DISC1: variants seen among roughly 807,000 people sequenced by gnomAD.
DISC1 encodes disrupted in schizophrenia 1 protein.
A neutral mutation model predicts 84.5 loss-of-function variants in DISC1; 57 were observed. That is an observed-to-expected ratio of 0.67 (90% CI 0.55 to 0.84). DISC1 has a LOEUF of 0.84. DISC1 is among the 40% of genes least tolerant of loss of function. The pLI, the probability that DISC1 is intolerant of heterozygous loss-of-function variation, is 0.00. For synonymous variants in DISC1, 411 were observed against 415.2 expected, an observed-to-expected ratio of 0.99 and a Z score of 0.12; for missense variants, 1,000 against 1,057.8, an observed-to-expected ratio of 0.95 and a Z score of 0.76.
chr1:231,983,903 C>T (rs1325034435), intron 10 of DISC1, among the ~76,000 whole-genome samples: 1 of 152,126 alleles, frequency 6.6e-6, no homozygotes, highest in Non-Finnish European at 1.5e-5. Context: ...GTGGTTAGTG[C>T]TTGACATTTT....
intron 9 of DISC1, among the ~76,000 whole-genome samples, chr1:231,931,153 C>A (rs4353075): frequency 6.6e-6 from 1 of 152,104 alleles, no homozygotes; most frequent in African/African-American, 2.4e-5. Context: ...GGAGGTAGTT[C>A]TTAGTTGACC....
At chr1:231,757,880 C>T (rs2075292297) in intron 4 of DISC1, among the ~76,000 whole-genome samples, 2 of 152,104 alleles carry the variant, frequency 1.3e-5, no homozygotes, top group African/African-American at 2.4e-5. Context: ...CCCAATCCCT[C>T]GGCCTCCCTC....
intron 9 of DISC1, among the ~76,000 whole-genome samples, chr1:231,824,781 T>A (rs1346100049): frequency 6.6e-6 from 1 of 152,192 alleles, no homozygotes; most frequent in East Asian, 1.9e-4. Flanking sequence ...TGAGGCTCAA[T>A]GAGTGAATAG....
intron 9 of DISC1, among the ~76,000 whole-genome samples, chr1:231,874,410 C>T (rs61836972): frequency 0.1 from 15,510 of 151,540 alleles, 1,038 homozygotes; most frequent in Admixed American, 0.14. Flanking sequence ...CTGCCCACCT[C>T]GGCCTCTCAA....
chr1:231,959,576 T>C, intron 10 of DISC1: 2 of 852,602 alleles, frequency 2.3e-6, no homozygotes, highest in South Asian at 5.4e-5. Context: ...AGTAACTCTT[T>C]AGATAGGCTA....
chr1:231,850,956 C>A (rs893989214), intron 9 of DISC1, among the ~76,000 whole-genome samples: 11 of 152,204 alleles, frequency 7.2e-5, no homozygotes, highest in African/African-American at 2.7e-4. Context: ...TCATCTCAGA[C>A]ACTCTTACAG....
intron 9 of DISC1, among the ~76,000 whole-genome samples, chr1:231,893,400 C>T (rs1004254090): frequency 4.6e-5 from 7 of 152,108 alleles, no homozygotes; most frequent in African/African-American, 1.4e-4. Flanking sequence ...TTAAAATTCT[C>T]AGCATAAAAT....
chr1:231,945,441 T>A (rs1656974635), intron 9 of DISC1, among the ~76,000 whole-genome samples: 1 of 152,122 alleles, frequency 6.6e-6, no homozygotes, highest in Non-Finnish European at 1.5e-5. Context: ...CAAAGCAGAA[T>A]CTCTGGGACA....
chr1:231,627,003 C>T (rs1340611853), intron 1 of DISC1, 69 bp downstream of exon 1: 23 of 1,152,270 alleles, frequency 2.0e-5, no homozygotes, highest in Non-Finnish European at 2.6e-5. Flanking sequence ...CGCTCTGGCC[C>T]CCAGGAAGTC....
At chr1:231,868,692 T>TTATATATATATATATATATATATATATA (rs58636016) in intron 9 of DISC1, among the ~76,000 whole-genome samples, 5 of 108,854 alleles carry the variant, frequency 4.6e-5, no homozygotes, top group Middle Eastern at 5.0e-3. Context: ...ACCCCATCTC[T>TTATATATATATATATATATATATATATA]TATATATATA....
intron 10 of DISC1, among the ~76,000 whole-genome samples, chr1:231,977,273 G>A (rs1662943786): frequency 6.6e-6 from 1 of 152,158 alleles, no homozygotes; most frequent in African/African-American, 2.4e-5. Context: ...ACAACACAAA[G>A]CTATTCTCTT....
intron 6 of DISC1, among the ~76,000 whole-genome samples, chr1:231,777,777 A>G (rs1271657641): frequency 2.0e-5 from 3 of 152,190 alleles, no homozygotes; most frequent in African/African-American, 4.8e-5. Flanking sequence ...TAATTTTAAT[A>G]TCTCTGTTAT....
intron 9 of DISC1, among the ~76,000 whole-genome samples, chr1:231,941,245 A>C (rs957882798): frequency 5.9e-5 from 9 of 152,172 alleles, no homozygotes; most frequent in Admixed American, 5.9e-4. Flanking sequence ...GCTTGGACAT[A>C]TAAGACACCA....
At chr1:231,642,857 T>C (rs935555499) in intron 1 of DISC1, among the ~76,000 whole-genome samples, 1 of 152,178 alleles carries the variant, frequency 6.6e-6, no homozygotes, top group Admixed American at 6.5e-5. Context: ...GTAAACACAG[T>C]TTTCCTTCTT....
At chr1:231,725,993 T>C (rs1391536802) in intron 3 of DISC1, among the ~76,000 whole-genome samples, 2 of 151,976 alleles carry the variant, frequency 1.3e-5, no homozygotes, top group African/African-American at 4.8e-5. Context: ...AAGGAGCACA[T>C]CCCCTTTCCT....
chr1:231,734,509 A>T (rs2072208583), intron 3 of DISC1, among the ~76,000 whole-genome samples: 1 of 152,102 alleles, frequency 6.6e-6, no homozygotes, highest in South Asian at 2.1e-4. Flanking sequence ...TCACGCACAC[A>T]CACACACGCA....
chr1:231,971,987 A>T (rs1662025857), intron 10 of DISC1, among the ~76,000 whole-genome samples: 1 of 152,204 alleles, frequency 6.6e-6, no homozygotes, highest in African/African-American at 2.4e-5. Context: ...TATTTCCTTT[A>T]TTATTCTGTA....
intron 10 of DISC1, among the ~76,000 whole-genome samples, chr1:232,008,256 T>C (rs1667706189): frequency 6.6e-6 from 1 of 152,314 alleles, no homozygotes; most frequent in East Asian, 1.9e-4. Flanking sequence ...TTGTCATAAA[T>C]ACTCTGAAAT....
intron 1 of DISC1, among the ~76,000 whole-genome samples, chr1:231,679,124 G>A (rs74146705): frequency 6.6e-6 from 1 of 152,370 alleles, no homozygotes; most frequent in South Asian, 2.1e-4. Flanking sequence ...TGGCCAGTTT[G>A]TGCCTGTTGG....
Sources: gnomAD v4.1 joint callset for allele counts (sites outside exome capture counted in the v4.1 genomes callset) on GRCh38, gnomAD v4.1.1 for gene constraint, MANE v1.5 for transcripts, NCBI Gene and HGNC (gene_info 2026-07-23, HGNC 2026-07-21) for gene names.